Variants in HMGCLL1 observed in about 807,000 individuals in gnomAD.
The protein encoded by HMGCLL1 is 3-hydroxy-3-methylglutaryl-CoA lyase like 1, also known as 3-hydroxymethyl-3-methylglutaryl-CoA lyase, cytoplasmic.
HMGCLL1 carries 36 observed loss-of-function variants against 39.1 expected under a neutral mutation model. The ratio of observed to expected loss-of-function variants is 0.92; its 90% CI spans 0.71 to 1.22. The LOEUF is 1.22. Among genes scored for constraint, HMGCLL1 ranks in the 50% most tolerant of loss-of-function variants. The pLI, the probability that HMGCLL1 is intolerant of heterozygous loss-of-function variation, is 0.00. For synonymous variants in HMGCLL1, 149 were observed against 144.0 expected, an observed-to-expected ratio of 1.03 and a Z score of -0.25; for missense variants, 451 against 416.5, an observed-to-expected ratio of 1.08 and a Z score of -0.72.
the HMGCLL1 span, among the ~76,000 whole-genome samples, chr6:55,675,391 A>G: frequency 2.2e-4 from 33 of 152,100 alleles, no homozygotes; most frequent in Non-Finnish European, 4.6e-4. Flanking sequence ...TACCACACTA[A>G]AATTACTATT....
chr6:55,587,460 T>G, the HMGCLL1 span, among the ~76,000 whole-genome samples: 1 of 152,048 alleles, frequency 6.6e-6, no homozygotes, highest in East Asian at 1.9e-4. Flanking sequence ...TGCCAAATTG[T>G]AAAGATCATC....
intron 5 of HMGCLL1, among the ~76,000 whole-genome samples, chr6:55,506,849 AAAT>A (rs1767194817): frequency 6.6e-6 from 1 of 151,712 alleles, no homozygotes; most frequent in African/African-American, 2.4e-5. Context: ...AAGAAAAAAA[AAAT>A]ATTGTATGAT....
chr6:55,464,578 C>A (rs1173611119), intron 7 of HMGCLL1, among the ~76,000 whole-genome samples: 2 of 146,620 alleles, frequency 1.4e-5, no homozygotes, highest in East Asian at 3.9e-4. Context: ...ATAATCTACT[C>A]AAGATTAATG....
At chr6:55,529,109 T>C (rs1768489539) in intron 3 of HMGCLL1, among the ~76,000 whole-genome samples, 1 of 152,044 alleles carries the variant, frequency 6.6e-6, no homozygotes, top group Admixed American at 6.6e-5. Context: ...TTTGTTCAGG[T>C]TAATGCCTTT....
At chr6:55,542,202 G>T (rs1769480559) in intron 1 of HMGCLL1, 62 bp from the exon 2 acceptor site, 3 of 1,124,038 alleles carry the variant, frequency 2.7e-6, no homozygotes, top group Non-Finnish European at 3.9e-6. Flanking sequence ...TTGCTTATTT[G>T]AAAAGTTAAA....
chr6:55,441,005 A>G (rs1763572880), intron 7 of HMGCLL1, among the ~76,000 whole-genome samples: 1 of 152,172 alleles, frequency 6.6e-6, no homozygotes, highest in South Asian at 2.1e-4. Flanking sequence ...ACATTATTCA[A>G]TGATACTTAT....
chr6:55,627,069 A>T, the HMGCLL1 span, among the ~76,000 whole-genome samples: 1 of 144,020 alleles, frequency 6.9e-6, no homozygotes, highest in Non-Finnish European at 1.5e-5. Flanking sequence ...AAAAAAAAAA[A>T]AAAAATACAA....
At chr6:55,534,346 G>C (rs963289603) in intron 3 of HMGCLL1, among the ~76,000 whole-genome samples, 1 of 152,008 alleles carries the variant, frequency 6.6e-6, no homozygotes, top group African/African-American at 2.4e-5. Context: ...CCAATATAAA[G>C]GTGGTAACTG....
chr6:55,538,760 T>A (rs1272637030), intron 3 of HMGCLL1, among the ~76,000 whole-genome samples: 1 of 152,074 alleles, frequency 6.6e-6, no homozygotes, highest in Non-Finnish European at 1.5e-5. Flanking sequence ...AAGTAGAAGA[T>A]AAACGATACA....
rs796456057 is a variant in HMGCLL1 at position 55,462,804 on chromosome 6, G to A, written c.796-23245C>T. 3.3e-5 allele frequency among the ~76,000 whole-genome samples: 5 copies of A among 152,154 alleles called. No homozygotes were observed. The East Asian group carries it at 5.8e-4, about 18-fold the overall frequency. Reference sequence around the variant, plus strand: ...ATATCAGTTTTCTAGGTAGTATATTGCTGCTATACATTTCAGTCAATAGGC... The same window carrying A: ...ATATCAGTTTTCTAGGTAGTATATTACTGCTATACATTTCAGTCAATAGGC... On this transcript the variant is annotated intron_variant, in intron 7 of 8. Coordinates refer to ENST00000274901, the MANE Select transcript of HMGCLL1 (RefSeq NM_001042406.2).
chr6:55,473,247 T>C (rs764579494), intron 7 of HMGCLL1, among the ~76,000 whole-genome samples: 2 of 151,450 alleles, frequency 1.3e-5, no homozygotes, highest in East Asian at 3.9e-4. Context: ...GAAATGATTG[T>C]AGTTGGATTA....
At chr6:55,648,202 C>A in the HMGCLL1 span, among the ~76,000 whole-genome samples, 4 of 147,318 alleles carry the variant, frequency 2.7e-5, no homozygotes, top group Non-Finnish European at 6.0e-5. Context: ...CAAGTCTTTG[C>A]TATTGTGAAT....
At chr6:55,584,435 C>T in the HMGCLL1 span, among the ~76,000 whole-genome samples, 1 of 152,066 alleles carries the variant, frequency 6.6e-6, no homozygotes, top group Non-Finnish European at 1.5e-5. Context: ...ACACTTACTC[C>T]CATTCTTCAC....
rs550166817 is a variant in HMGCLL1, at chr6:55,472,876, T to A, written c.795+22543A>T. On this transcript the variant is annotated intron_variant, in intron 7 of 8. Coordinates refer to ENST00000274901, the MANE Select transcript of HMGCLL1 (RefSeq NM_001042406.2). Reference sequence around the variant, plus strand: ...TAATGTTTTAAACTATAATAGTGAATCTGCCTATTTCTTATTTCCATTTTA... The same window carrying A: ...TAATGTTTTAAACTATAATAGTGAAACTGCCTATTTCTTATTTCCATTTTA... Among the ~76,000 whole-genome samples the A allele has an allele frequency of 2.6e-5, 4 of 151,658 alleles. No individual in the cohort carries two copies. In the South Asian group the frequency reaches 6.2e-4, roughly 24 times the overall value.
chr6:55,463,049 G>A (rs1255545868), intron 7 of HMGCLL1, among the ~76,000 whole-genome samples: 1 of 131,278 alleles, frequency 7.6e-6, no homozygotes, highest in African/African-American at 2.8e-5. Flanking sequence ...TTTTTTTTCT[G>A]AGATGGAGTC....
chr6:55,584,791 T>C, the HMGCLL1 span, among the ~76,000 whole-genome samples: 1 of 152,000 alleles, frequency 6.6e-6, no homozygotes, highest in African/African-American at 2.4e-5. Context: ...CAAACTGACA[T>C]GTAGCCAAGA....
At chr6:55,649,781 T>C in the HMGCLL1 span, among the ~76,000 whole-genome samples, 1 of 151,712 alleles carries the variant, frequency 6.6e-6, no homozygotes, top group South Asian at 2.1e-4. Flanking sequence ...TATTCTTTTC[T>C]TTTTAATCTC....
chr6:55,474,326 C>T (rs1765188242), intron 7 of HMGCLL1, among the ~76,000 whole-genome samples: 1 of 151,334 alleles, frequency 6.6e-6, no homozygotes, highest in Non-Finnish European at 1.5e-5. Context: ...ATTAATTTTT[C>T]CTCTTTGCAT....
chr6:55,470,310 T>C (rs1196825384), intron 7 of HMGCLL1, among the ~76,000 whole-genome samples: 2 of 151,912 alleles, frequency 1.3e-5, no homozygotes, highest in East Asian at 3.9e-4. Flanking sequence ...GAGAATATTT[T>C]ACCAGCCACA....
Sources: allele counts gnomAD v4.1 joint callset (sites outside exome capture counted in the v4.1 genomes callset), GRCh38; gene constraint gnomAD v4.1.1; transcripts MANE v1.5; gene names NCBI Gene and HGNC (gene_info 2026-07-23, HGNC 2026-07-21).